The following TBX5 variants were observed in gnomAD, a reference collection of about 807,000 sequenced individuals.
The protein encoded by TBX5 is T-box transcription factor 5.
Under a neutral mutation model 51.1 loss-of-function variants are expected in TBX5, and 8 were observed. The ratio of observed to expected loss-of-function variants is 0.16; its 90% CI spans 0.09 to 0.28. The LOEUF (loss-of-function observed/expected upper bound fraction) is 0.28. Ranked by LOEUF, TBX5 falls within the 10% of genes least tolerant of loss-of-function variation. The pLI is 1.00. For missense variants in TBX5, 589 were observed against 671.7 expected (o/e 0.88, Z 1.36); for synonymous variants, 302 against 266.4 (o/e 1.13, Z -1.30).
intron 6 of TBX5, among the ~76,000 whole-genome samples, chr12:114,392,272 G>T (rs564684502): frequency 1.3e-5 from 2 of 151,824 alleles, no homozygotes; most frequent in Admixed American, 1.3e-4. Context: ...TATTGGGGAA[G>T]AAATTTTTTA....
At chr12:114,359,740 C>T (rs925184749) in intron 8 of TBX5, among the ~76,000 whole-genome samples, 14 of 152,166 alleles carry the variant, frequency 9.2e-5, no homozygotes, top group African/African-American at 2.7e-4. Context: ...CTCCAATGCT[C>T]GCTCGCCATG....
chr12:114,402,540 T>A (rs1871896180), intron 2 of TBX5, among the ~76,000 whole-genome samples: 1 of 152,176 alleles, frequency 6.6e-6, no homozygotes, highest in Admixed American at 6.5e-5. Flanking sequence ...ATTCTTACAG[T>A]CCAGAAGGAT....
intron 8 of TBX5, 139 bp downstream of exon 8, chr12:114,366,026 A>G: frequency 2.0e-6 from 2 of 1,006,644 alleles, no homozygotes; most frequent in Non-Finnish European, 1.5e-6. Flanking sequence ...TAAATTTCTT[A>G]TCTCCATATA....
chr12:114,385,408 C>T, intron 7 of TBX5, 68 bp downstream of exon 7: 4 of 1,416,326 alleles, frequency 2.8e-6, no homozygotes, highest in Non-Finnish European at 4.0e-6. Flanking sequence ...TGCTGGGTTG[C>T]TGCTGGCTTA....
upstream of TBX5, among the ~76,000 whole-genome samples, chr12:114,406,825 C>T (rs1269705992): frequency 2.0e-5 from 3 of 152,002 alleles, no homozygotes; most frequent in Admixed American, 2.0e-4. Flanking sequence ...GTCTCCTCTC[C>T]TTGCCCTTTC....
chr12:114,396,324 C>G (rs887158321), intron 5 of TBX5, among the ~76,000 whole-genome samples: 1 of 152,040 alleles, frequency 6.6e-6, no homozygotes, highest in Admixed American at 6.5e-5. Flanking sequence ...CGCCACAGTC[C>G]CCGGCCGGCG....
intron 7 of TBX5, among the ~76,000 whole-genome samples, chr12:114,367,427 G>A (rs1425346205): frequency 2.0e-5 from 3 of 152,078 alleles, no homozygotes; most frequent in Non-Finnish European, 4.4e-5. Context: ...TGACATCATA[G>A]GTATAGCATC....
intron 2 of TBX5, among the ~76,000 whole-genome samples, chr12:114,402,934 G>A (rs56092536): frequency 0.064 from 9,754 of 152,298 alleles, 395 homozygotes; most frequent in Middle Eastern, 0.12. Flanking sequence ...AAGCCAGGAA[G>A]GGATCGAAAT....
intron 7 of TBX5, among the ~76,000 whole-genome samples, chr12:114,369,873 C>A (rs1475925494): frequency 6.6e-6 from 1 of 151,998 alleles, no homozygotes; most frequent in Non-Finnish European, 1.5e-5. Context: ...TTCCAGCCAC[C>A]GTACTGCTTG....
At chr12:114,401,963 T>C in intron 2 of TBX5, 43 bp from the exon 3 acceptor site, 1 of 1,556,480 alleles carries the variant, frequency 6.4e-7, no homozygotes, top group Non-Finnish European at 8.9e-7. Context: ...GCCCTGGCAG[T>C]AGTGGGCATT....
rs544841417 is a variant in TBX5 at position 114,403,022 on chromosome 12, A to G, written c.147+730T>C. 2.0e-5 allele frequency among the ~76,000 whole-genome samples: 3 copies of G among 152,344 alleles called. No homozygotes were observed. In the East Asian group the frequency reaches 5.8e-4, roughly 29 times the overall value. ...TTTCACCCCATGTGACACCTTATTT[A>G]AAAATTACCAGGATCTACTGAGGGG... On this transcript the variant is annotated intron_variant, in intron 2 of 8. Transcript: ENST00000405440.
At chr12:114,404,006 C>CACA (rs1349300836) in intron 1 of TBX5, 70 bp from the exon 2 acceptor site, 1 of 1,510,478 alleles carries the variant, frequency 6.6e-7, no homozygotes, top group East Asian at 2.4e-5. Flanking sequence ...GGTTGGAGAG[C>CACA]ACAATTCTAG....
intron 3 of TBX5, 92 bp downstream of exon 3, chr12:114,401,720 CTCCTTTTGCCCCTT>C (rs1871823094): frequency 4.1e-6 from 4 of 976,268 alleles, no homozygotes; most frequent in Non-Finnish European, 6.6e-6. Flanking sequence ...TATATTCCCT[CTCCTTTTGCCCCTT>C]TCCTTCCTTC....
chr12:114,375,040 C>T (rs558200079), intron 7 of TBX5, among the ~76,000 whole-genome samples: 14 of 152,252 alleles, frequency 9.2e-5, no homozygotes, highest in African/African-American at 2.4e-4. Context: ...GTTTCTCACA[C>T]GCCTTCGATT....
intron 4 of TBX5, 27 bp downstream of exon 4, chr12:114,399,486 C>A (rs776576558): frequency 5.3e-5 from 86 of 1,613,824 alleles, no homozygotes; most frequent in Non-Finnish European, 6.9e-5. Flanking sequence ...TCTCTCTCCC[C>A]GCTCCACCTG....
At chr12:114,375,065 A>C (rs1313426171) in intron 7 of TBX5, among the ~76,000 whole-genome samples, 1 of 152,188 alleles carries the variant, frequency 6.6e-6, no homozygotes, top group Non-Finnish European at 1.5e-5. Flanking sequence ...ATAATAGAAC[A>C]CTGAGGGGAG....
chr12:114,376,265 G>GTATA (rs143603426), intron 7 of TBX5, among the ~76,000 whole-genome samples: 2 of 149,200 alleles, frequency 1.3e-5, no homozygotes, highest in Non-Finnish European at 3.0e-5. Context: ...AATGTGGTGT[G>GTATA]TATATATATA....
At chr12:114,399,374 T>C in intron 4 of TBX5, 139 bp downstream of exon 4, 1 of 1,232,988 alleles carries the variant, frequency 8.1e-7, no homozygotes, top group Non-Finnish European at 1.2e-6. Flanking sequence ...TAAAAAGCAA[T>C]GGGATAGGCG....
chr12:114,384,592 T>A (rs112369043), intron 7 of TBX5, among the ~76,000 whole-genome samples: 2,189 of 152,232 alleles, frequency 0.014, 57 homozygotes, highest in African/African-American at 0.049. Context: ...TTTCTTTGAA[T>A]GAATATATCT....
Sources: allele counts gnomAD v4.1 joint callset (sites outside exome capture counted in the v4.1 genomes callset), GRCh38; gene constraint gnomAD v4.1.1; transcripts MANE v1.5; gene names NCBI Gene and HGNC (gene_info 2026-07-23, HGNC 2026-07-21).